Variants in GALNT17 observed in about 807,000 individuals in gnomAD.
The protein encoded by GALNT17 is polypeptide N-acetylgalactosaminyltransferase 17, also known as UDP-GalNAc:polypeptide N-acetylgalactosaminyltransferase-like 3.
Under a neutral mutation model 63.7 loss-of-function variants are expected in GALNT17, and 29 were observed. The observed-to-expected ratio is 0.46, with a 90% CI of 0.34 to 0.62. The LOEUF (loss-of-function observed/expected upper bound fraction) is 0.62, where lower values mean the gene tolerates loss of function less well. GALNT17 is among the 20% of genes least tolerant of loss of function. GALNT17 has a pLI of 0.01. For synonymous variants in GALNT17, 305 were observed against 318.3 expected (o/e 0.96, Z 0.45); for missense variants, 603 against 799.6 (o/e 0.75, Z 2.97).
chr7:71,187,247 C>T (rs1248111903), intron 1 of GALNT17, among the ~76,000 whole-genome samples: 4 of 151,574 alleles, frequency 2.6e-5, no homozygotes, highest in Non-Finnish European at 1.5e-5. Context: ...GTAGCTGGGA[C>T]TACAGGCACA....
chr7:71,274,788 C>A (rs183433975), intron 1 of GALNT17, among the ~76,000 whole-genome samples: 1 of 152,182 alleles, frequency 6.6e-6, no homozygotes, highest in Non-Finnish European at 1.5e-5. Context: ...CCAGGTACCC[C>A]GCAGAGGCTG....
intron 1 of GALNT17, among the ~76,000 whole-genome samples, chr7:71,270,062 T>G (rs763981610): frequency 7.9e-5 from 12 of 152,158 alleles, no homozygotes; most frequent in Non-Finnish European, 1.3e-4. Context: ...GCCCTACACA[T>G]TTAATAAATG....
chr7:71,483,998 G>A (rs1284246680), intron 5 of GALNT17, among the ~76,000 whole-genome samples: 4 of 152,062 alleles, frequency 2.6e-5, no homozygotes, highest in Non-Finnish European at 5.9e-5. Flanking sequence ...TAGGTCTTCA[G>A]GGGCAATAAC....
chr7:71,453,048 G>A (rs2116556060), intron 5 of GALNT17, among the ~76,000 whole-genome samples: 1 of 152,278 alleles, frequency 6.6e-6, no homozygotes, highest in Admixed American at 6.5e-5. Flanking sequence ...TCCCAGACCG[G>A]AAACTCCAGG....
At chr7:71,404,755 G>T (rs754878510) in intron 3 of GALNT17, among the ~76,000 whole-genome samples, 47 of 152,182 alleles carry the variant, frequency 3.1e-4, no homozygotes, top group Non-Finnish European at 6.3e-4. Flanking sequence ...TTGTTTAGAA[G>T]AGTTGGAGGC....
intron 9 of GALNT17, among the ~76,000 whole-genome samples, chr7:71,688,284 C>A (rs2117089326): frequency 6.6e-6 from 1 of 152,302 alleles, no homozygotes; most frequent in African/African-American, 2.4e-5. Context: ...TCTGACTCGT[C>A]TTCTCTCAAA....
intron 6 of GALNT17, among the ~76,000 whole-genome samples, chr7:71,664,891 G>A (rs564566962): frequency 1.9e-3 from 293 of 152,250 alleles, no homozygotes; most frequent in Non-Finnish European, 2.2e-3. Flanking sequence ...ATTCTCCCAA[G>A]CCTCTTTTTT....
At chr7:71,245,737 G>A (rs538231043) in intron 1 of GALNT17, among the ~76,000 whole-genome samples, 1 of 152,200 alleles carries the variant, frequency 6.6e-6, no homozygotes, top group Non-Finnish European at 1.5e-5. Flanking sequence ...GCTTCTGGAG[G>A]TGGAAAATTC....
chr7:71,695,093 A>G (rs1266481461), intron 9 of GALNT17, among the ~76,000 whole-genome samples: 1 of 152,222 alleles, frequency 6.6e-6, no homozygotes, highest in African/African-American at 2.4e-5. Flanking sequence ...AGATGTGCTT[A>G]GGAATATTCT....
chr7:71,699,209 G>A (rs1448173113), intron 9 of GALNT17, among the ~76,000 whole-genome samples: 1 of 146,154 alleles, frequency 6.8e-6, no homozygotes, highest in African/African-American at 2.5e-5. Context: ...ACCAGGTGCA[G>A]TGGCTCACAC....
chr7:71,319,400 C>T (rs1791564055), intron 1 of GALNT17, among the ~76,000 whole-genome samples: 1 of 152,014 alleles, frequency 6.6e-6, no homozygotes, highest in South Asian at 2.1e-4. Context: ...CTTCTGTTTT[C>T]TTTGCTTGGC....
intron 5 of GALNT17, among the ~76,000 whole-genome samples, chr7:71,557,071 T>TG (rs1554308283): frequency 6.5e-4 from 85 of 131,466 alleles, no homozygotes; most frequent in African/African-American, 2.1e-3. Flanking sequence ...TTTTTTTTTT[T>TG]GGGGAGAGAT....
At chr7:71,312,371 T>C (rs1177327759) in intron 1 of GALNT17, among the ~76,000 whole-genome samples, 1 of 152,214 alleles carries the variant, frequency 6.6e-6, no homozygotes, top group African/African-American at 2.4e-5. Context: ...CCAGCTCTTA[T>C]CATCCTATTT....
intron 1 of GALNT17, among the ~76,000 whole-genome samples, chr7:71,199,913 C>T (rs925813006): frequency 6.6e-6 from 1 of 152,146 alleles, no homozygotes; most frequent in East Asian, 1.9e-4. Flanking sequence ...AATAGAACCT[C>T]CTCTTTTTTG....
chr7:71,449,108 CTTTT>C (rs59368494), intron 5 of GALNT17, among the ~76,000 whole-genome samples: 6 of 72,750 alleles, frequency 8.2e-5, no homozygotes, highest in Non-Finnish European at 1.2e-4. Context: ...TGCCTATTTT[CTTTT>C]TTTTTTTTTT....
chr7:71,281,450 T>C (rs1183486586), intron 1 of GALNT17, among the ~76,000 whole-genome samples: 3 of 152,236 alleles, frequency 2.0e-5, no homozygotes, highest in Admixed American at 6.5e-5. Flanking sequence ...AACATCCAGA[T>C]GCATGAGCCA....
chr7:71,478,140 A>ACAT (rs1223372523), intron 5 of GALNT17, among the ~76,000 whole-genome samples: 1 of 152,138 alleles, frequency 6.6e-6, no homozygotes, highest in East Asian at 1.9e-4. Flanking sequence ...TCTCTTCTAA[A>ACAT]CATAGATGGT....
intron 2 of GALNT17, among the ~76,000 whole-genome samples, chr7:71,336,491 C>T (rs1005714406): frequency 6.6e-6 from 1 of 152,322 alleles, no homozygotes; most frequent in Non-Finnish European, 1.5e-5. Flanking sequence ...TCTTACCCTT[C>T]TCCCTCCCTC....
At chr7:71,135,744 A>G (rs1433644063) in intron 1 of GALNT17, among the ~76,000 whole-genome samples, 2 of 152,126 alleles carry the variant, frequency 1.3e-5, no homozygotes, top group African/African-American at 4.8e-5. Flanking sequence ...AAAGGTAGAA[A>G]ACCCATCCAA....
Sources: gnomAD v4.1 joint callset for allele counts (sites outside exome capture counted in the v4.1 genomes callset) on GRCh38, gnomAD v4.1.1 for gene constraint, MANE v1.5 for transcripts, NCBI Gene and HGNC (gene_info 2026-07-23, HGNC 2026-07-21) for gene names.